Variants in SLC24A4 observed in about 807,000 individuals in gnomAD.
SLC24A4 encodes the protein solute carrier family 24 member 4, also known as sodium/potassium/calcium exchanger 4.
A neutral mutation model predicts 79.0 loss-of-function variants in SLC24A4; 53 were observed. That is an observed-to-expected ratio of 0.67 (90% CI 0.54 to 0.84). The LOEUF (loss-of-function observed/expected upper bound fraction) is 0.84, where lower values mean the gene tolerates loss of function less well. SLC24A4 is among the 40% of genes least tolerant of loss of function. SLC24A4 has a pLI of 0.00. For missense variants in SLC24A4, 731 were observed against 822.0 expected, an observed-to-expected ratio of 0.89 and a Z score of 1.35; for synonymous variants, 323 against 323.8, an observed-to-expected ratio of 1.00 and a Z score of 0.03.
At chr14:92,408,282 T>TA (rs1890518346) in intron 2 of SLC24A4, 1 of 491,778 alleles carries the variant, frequency 2.0e-6, no homozygotes, top group Non-Finnish European at 2.6e-6. Context: ...TTGAATCTGT[T>TA]ATTGTGTTTG....
intron 2 of SLC24A4, among the ~76,000 whole-genome samples, chr14:92,427,961 A>G (rs1891658927): frequency 6.6e-6 from 1 of 152,210 alleles, no homozygotes. Context: ...TGCAGAGATA[A>G]GGCACCATGT....
At chr14:92,423,066 C>A (rs1891367872) in intron 2 of SLC24A4, among the ~76,000 whole-genome samples, 1 of 152,204 alleles carries the variant, frequency 6.6e-6, no homozygotes, top group South Asian at 2.1e-4. Flanking sequence ...CCACCTCAGC[C>A]TCCCAAAGTA....
intron 2 of SLC24A4, among the ~76,000 whole-genome samples, chr14:92,360,122 C>T (rs1205576243): frequency 3.9e-5 from 6 of 152,220 alleles, no homozygotes; most frequent in Admixed American, 3.9e-4. Context: ...TATCAGTTCA[C>T]CATATTGGCC....
intron 12 of SLC24A4, among the ~76,000 whole-genome samples, chr14:92,464,286 C>T (rs1362494850): frequency 1.3e-5 from 2 of 152,300 alleles, no homozygotes; most frequent in African/African-American, 4.8e-5. Context: ...GGACCAGCGG[C>T]TTGCCCAAGG....
At chr14:92,464,322 G>A (rs942037520) in intron 12 of SLC24A4, among the ~76,000 whole-genome samples, 1 of 152,046 alleles carries the variant, frequency 6.6e-6, no homozygotes, top group Non-Finnish European at 1.5e-5. Flanking sequence ...ACAGAACCAG[G>A]CATCCAGGCC....
intron 2 of SLC24A4, among the ~76,000 whole-genome samples, chr14:92,427,723 G>A (rs1891642664): frequency 1.3e-5 from 2 of 152,236 alleles, no homozygotes. Flanking sequence ...TTTAATTCAG[G>A]GAATGAGATG....
At chr14:92,435,987 C>T (rs1309516934) in intron 3 of SLC24A4, among the ~76,000 whole-genome samples, 1 of 152,214 alleles carries the variant, frequency 6.6e-6, no homozygotes, top group Non-Finnish European at 1.5e-5. Flanking sequence ...GGGAATTTCA[C>T]AGGAACCCTT....
intron 2 of SLC24A4, among the ~76,000 whole-genome samples, chr14:92,369,218 G>C (rs1340401152): frequency 6.6e-6 from 1 of 152,224 alleles, no homozygotes; most frequent in Non-Finnish European, 1.5e-5. Context: ...GACTTGGTGA[G>C]TACAAGACAA....
At position 92,385,871 on chromosome 14, in the gene SLC24A4, G is replaced by A. The variant is rs186089153; in HGVS notation, c.242-48041G>A. ...TAATGCTCTTCTTGAATTTGATGTC[G>A]CACCTCCTGGGATGCGAGGGGAGAG... On this transcript the variant is annotated intron_variant, in intron 2 of 16. Transcript: ENST00000532405. Among the ~76,000 whole-genome samples, 613 of 152,300 alleles carry A rather than the reference G, an allele frequency of 4.0e-3. 3 individuals carry two copies. The highest frequency in any genetic ancestry group is 0.014 in the African/African-American group (581 of 41,566).
chr14:92,351,725 G>A (rs988226479), intron 2 of SLC24A4, among the ~76,000 whole-genome samples: 4 of 152,080 alleles, frequency 2.6e-5, no homozygotes, highest in Admixed American at 6.5e-5. Flanking sequence ...TTACCCAGGT[G>A]TGATGGCGCC....
intron 2 of SLC24A4, among the ~76,000 whole-genome samples, chr14:92,389,908 T>C (rs144639121): frequency 1.3e-5 from 2 of 152,312 alleles, no homozygotes; most frequent in Non-Finnish European, 2.9e-5. Flanking sequence ...CCAAGTCTTA[T>C]TCCCAAGCAT....
intron 2 of SLC24A4, among the ~76,000 whole-genome samples, chr14:92,372,507 G>A (rs951061862): frequency 1.3e-5 from 2 of 152,152 alleles, no homozygotes; most frequent in African/African-American, 2.4e-5. Flanking sequence ...GGCAGAGAAT[G>A]GGTAGGGACT....
At chr14:92,346,834 C>CAAAT (rs1190980016) in intron 2 of SLC24A4, among the ~76,000 whole-genome samples, 1 of 152,052 alleles carries the variant, frequency 6.6e-6, no homozygotes, top group Non-Finnish European at 1.5e-5. Context: ...CCCCGGTGAT[C>CAAAT]AAATGTGTGG....
At chr14:92,412,260 C>T (rs1042833410) in intron 2 of SLC24A4, among the ~76,000 whole-genome samples, 9 of 152,268 alleles carry the variant, frequency 5.9e-5, no homozygotes, top group African/African-American at 9.6e-5. Flanking sequence ...TTACCCGAAA[C>T]GCATCTATAG....
chr14:92,400,742 G>A lies in SLC24A4; in HGVS notation c.242-33170G>A, dbSNP rs529804950. Reference sequence around the variant, plus strand: ...TAATTCATTTGGTTCCCTCTGACAGGTCTGAAACTAGCCTAAGCACGTGGG... The same window carrying A: ...TAATTCATTTGGTTCCCTCTGACAGATCTGAAACTAGCCTAAGCACGTGGG... On this transcript the variant is annotated intron_variant, in intron 2 of 16. Coordinates refer to ENST00000532405, the MANE Select transcript of SLC24A4 (RefSeq NM_153646.4). 1.2e-4 allele frequency among the ~76,000 whole-genome samples: 18 copies of A among 152,292 alleles called. No homozygotes were observed. The South Asian group carries it at 2.3e-3, about 19-fold the overall frequency.
At chr14:92,443,601 C>T in intron 7 of SLC24A4, 127 bp downstream of exon 7, 1 of 940,048 alleles carries the variant, frequency 1.1e-6, no homozygotes, top group Non-Finnish European at 1.7e-6. Context: ...TGGGGTGTGC[C>T]AGCCACTCAC....
At chr14:92,463,959 C>A (rs964891506) in intron 12 of SLC24A4, among the ~76,000 whole-genome samples, 1 of 152,300 alleles carries the variant, frequency 6.6e-6, no homozygotes, top group East Asian at 1.9e-4. Flanking sequence ...GGTCCATCCA[C>A]GCTGTACTAT....
At chr14:92,468,160 T>C (rs1894225848) in intron 12 of SLC24A4, among the ~76,000 whole-genome samples, 1 of 152,186 alleles carries the variant, frequency 6.6e-6, no homozygotes, top group South Asian at 2.1e-4. Flanking sequence ...AACATTCCCA[T>C]TTACAATAGG....
intron 4 of SLC24A4, among the ~76,000 whole-genome samples, chr14:92,440,907 A>G (rs368439064): frequency 6.6e-6 from 1 of 152,016 alleles, no homozygotes; most frequent in African/African-American, 2.4e-5. Context: ...GGAATGGCCC[A>G]GGCAAAGGCA....
Sources: gnomAD v4.1 joint callset for allele counts (sites outside exome capture counted in the v4.1 genomes callset) on GRCh38, gnomAD v4.1.1 for gene constraint, MANE v1.5 for transcripts, NCBI Gene and HGNC (gene_info 2026-07-23, HGNC 2026-07-21) for gene names.